Variants in ANKS1B observed in about 807,000 individuals in gnomAD.
The protein encoded by ANKS1B is ankyrin repeat and sterile alpha motif domain containing 1B, also known as ankyrin repeat and sterile alpha motif domain-containing protein 1B.
ANKS1B carries 36 observed loss-of-function variants against 148.3 expected under a neutral mutation model. The ratio of observed to expected loss-of-function variants is 0.24; its 90% confidence interval spans 0.19 to 0.32. The LOEUF is 0.32. Ranked by LOEUF, ANKS1B falls within the 10% of genes least tolerant of loss-of-function variation. The pLI is 1.00. For synonymous variants in ANKS1B, 542 were observed against 560.8 expected, an observed-to-expected ratio of 0.97 and a Z score of 0.47; for missense variants, 1,157 against 1,542.6, an observed-to-expected ratio of 0.75 and a Z score of 4.19.
At position 99,699,481 on chromosome 12, in the gene ANKS1B, C is replaced by T. The variant is rs544472023; in HGVS notation, c.1129-44271G>A. ...GCCCTTAGTCCAGCACCTGAGAAGC[C>T]GTTAAGAAATACCAACAATAATAAT... On this transcript the variant is annotated intron_variant, in intron 8 of 26. Transcript: ENST00000683438. Among the ~76,000 whole-genome samples the T allele has an allele frequency of 2.2e-4, 34 of 152,144 alleles. No homozygotes were observed. In the South Asian group the frequency reaches 7.1e-3, roughly 32 times the overall value.
intron 12 of ANKS1B, among the ~76,000 whole-genome samples, chr12:99,372,226 G>T (rs1261420705): frequency 6.6e-6 from 1 of 151,970 alleles, no homozygotes; most frequent in Non-Finnish European, 1.5e-5. Context: ...TGCACTTGTG[G>T]GGAGTAGGGA....
At chr12:99,029,909 T>C (rs1333178519) in intron 17 of ANKS1B, among the ~76,000 whole-genome samples, 1 of 152,220 alleles carries the variant, frequency 6.6e-6, no homozygotes, top group East Asian at 1.9e-4. Flanking sequence ...AACACCTGCC[T>C]TACCAGACTA....
rs144934117 is a variant in ANKS1B at position 98,944,183 on chromosome 12, C to T, written c.2778+108974G>A. 2.4e-3 allele frequency among the ~76,000 whole-genome samples: 363 copies of T among 151,892 alleles called. 5 individuals carry two copies. The East Asian group carries it at 0.048, about 20-fold the overall frequency. The stretch of plus-strand genomic sequence containing the variant: ...GGTGTGGGGGCACGTGCCTGTAATC[C>T]CAGCTACTGGGGAGGCTGAGGCAGG... On this transcript the variant is annotated intron_variant, in intron 17 of 26. Transcript: ENST00000683438.
chr12:99,719,606 T>C (rs953371004), intron 8 of ANKS1B, among the ~76,000 whole-genome samples: 7 of 152,178 alleles, frequency 4.6e-5, no homozygotes, highest in South Asian at 2.1e-4. Context: ...GCCGAACTCA[T>C]TGCCTTAAGC....
intron 9 of ANKS1B, among the ~76,000 whole-genome samples, chr12:99,560,849 T>A (rs1266944716): frequency 3.1e-5 from 4 of 128,802 alleles, no homozygotes; most frequent in Non-Finnish European, 6.2e-5. Context: ...TCTTTTTTTT[T>A]TTTTTTTTTT....
chr12:99,583,109 C>T (rs1186164348), intron 9 of ANKS1B, among the ~76,000 whole-genome samples: 1 of 152,132 alleles, frequency 6.6e-6, no homozygotes, highest in Non-Finnish European at 1.5e-5. Flanking sequence ...AAGGATACAA[C>T]ACATACAGTC....
intron 15 of ANKS1B, 58 bp downstream of exon 15, chr12:99,154,231 A>G: frequency 6.2e-7 from 1 of 1,601,378 alleles, no homozygotes; most frequent in Non-Finnish European, 8.5e-7. Flanking sequence ...GCCATGTAAG[A>G]CACATAAGAA....
chr12:99,262,487 C>T (rs1480518005), intron 12 of ANKS1B, among the ~76,000 whole-genome samples: 9 of 151,898 alleles, frequency 5.9e-5, no homozygotes, highest in Non-Finnish European at 1.0e-4. Flanking sequence ...AATAAAATAA[C>T]CTTTTATTCT....
intron 4 of ANKS1B, among the ~76,000 whole-genome samples, chr12:99,792,460 C>G (rs991494423): frequency 6.6e-6 from 1 of 151,892 alleles, no homozygotes; most frequent in African/African-American, 2.4e-5. Flanking sequence ...GCCAATATCT[C>G]TGATTACTAT....
intron 8 of ANKS1B, among the ~76,000 whole-genome samples, chr12:99,720,990 C>G (rs1411018647): frequency 1.3e-5 from 2 of 152,184 alleles, no homozygotes; most frequent in Non-Finnish European, 2.9e-5. Flanking sequence ...AATTAGATGT[C>G]CTGGGTCCTC....
intron 1 of ANKS1B, among the ~76,000 whole-genome samples, chr12:99,965,418 T>C (rs1202677337): frequency 1.3e-5 from 2 of 152,198 alleles, no homozygotes; most frequent in Non-Finnish European, 2.9e-5. Context: ...GAAAGTTTGA[T>C]GAGGAATGGG....
At chr12:99,755,199 C>T (rs1286748723) in intron 8 of ANKS1B, among the ~76,000 whole-genome samples, 4 of 151,890 alleles carry the variant, frequency 2.6e-5, no homozygotes, top group African/African-American at 9.7e-5. Flanking sequence ...ATGCAAACAA[C>T]CATCAAAGAA....
chr12:99,321,106 T>C (rs748431191), intron 12 of ANKS1B, among the ~76,000 whole-genome samples: 1 of 152,200 alleles, frequency 6.6e-6, no homozygotes, highest in South Asian at 2.1e-4. Flanking sequence ...GAGGTGTCAG[T>C]TGGCCCCTAC....
intron 22 of ANKS1B, among the ~76,000 whole-genome samples, chr12:98,793,009 A>C (rs1020549797): frequency 5.3e-5 from 8 of 152,116 alleles, no homozygotes; most frequent in African/African-American, 1.9e-4. Flanking sequence ...TAATATAGTA[A>C]TTCTCTTTCT....
chr12:99,007,380 G>A (rs990049475), intron 17 of ANKS1B, among the ~76,000 whole-genome samples: 1 of 152,212 alleles, frequency 6.6e-6, no homozygotes, highest in Non-Finnish European at 1.5e-5. Context: ...TATGAAGATA[G>A]CAGAAGCTTT....
chr12:99,211,415 A>T (rs1365758065), intron 14 of ANKS1B, among the ~76,000 whole-genome samples: 2 of 152,328 alleles, frequency 1.3e-5, no homozygotes, highest in African/African-American at 4.8e-5. Context: ...CTTTAGAAGG[A>T]AAGTAACTTT....
At chr12:99,369,444 T>C (rs2092961577) in intron 12 of ANKS1B, among the ~76,000 whole-genome samples, 1 of 152,190 alleles carries the variant, frequency 6.6e-6, no homozygotes, top group East Asian at 1.9e-4. Context: ...ACTTGAGTGA[T>C]GTAACAATCA....
intron 17 of ANKS1B, among the ~76,000 whole-genome samples, chr12:98,853,657 C>A (rs113151568): frequency 1.1e-4 from 17 of 152,218 alleles, no homozygotes; most frequent in African/African-American, 3.4e-4. Flanking sequence ...ATAGATCCCC[C>A]CTGCTACTCT....
intron 17 of ANKS1B, among the ~76,000 whole-genome samples, chr12:98,968,695 G>A (rs1481992766): frequency 6.8e-6 from 1 of 146,794 alleles, no homozygotes; most frequent in Non-Finnish European, 1.5e-5. Context: ...TTCCAAGTGG[G>A]TTTTAGGATT....
Sources: allele counts gnomAD v4.1 joint callset (sites outside exome capture counted in the v4.1 genomes callset), GRCh38; gene constraint gnomAD v4.1.1; transcripts MANE v1.5; gene names NCBI Gene and HGNC (gene_info 2026-07-23, HGNC 2026-07-21).